Variants in KCNH1 observed in about 807,000 individuals in gnomAD.
The protein encoded by KCNH1 is potassium voltage-gated channel subfamily H member 1.
Under a neutral mutation model 69.2 loss-of-function variants are expected in KCNH1, and 27 were observed. That is an observed-to-expected ratio of 0.39 (90% CI 0.29 to 0.54). The LOEUF is 0.54. Among genes scored for constraint, KCNH1 ranks in the 20% least tolerant of loss-of-function variants. The pLI, the probability that KCNH1 is intolerant of heterozygous loss-of-function variation, is 0.68. For missense variants in KCNH1, 798 were observed against 1,261.6 expected (o/e 0.63, Z 5.57); for synonymous variants, 456 against 487.7 (o/e 0.93, Z 0.86).
At chr1:210,867,809 G>T (rs12033552) in intron 7 of KCNH1, among the ~76,000 whole-genome samples, 1 of 151,874 alleles carries the variant, frequency 6.6e-6, no homozygotes, top group Non-Finnish European at 1.5e-5. Flanking sequence ...TATAACTCAG[G>T]ATAATATATT....
chr1:210,995,999 G>A (rs1351122415), intron 6 of KCNH1, among the ~76,000 whole-genome samples: 2 of 152,196 alleles, frequency 1.3e-5, no homozygotes, highest in African/African-American at 4.8e-5. Context: ...AGATTTTTGA[G>A]GGTGGCAGCC....
chr1:210,949,278 C>G (rs1688019043), intron 6 of KCNH1, among the ~76,000 whole-genome samples: 1 of 152,162 alleles, frequency 6.6e-6, no homozygotes. Context: ...GGTGTCACAA[C>G]CCTTCTCTCC....
At chr1:211,104,016 G>A (rs993607655) in intron 2 of KCNH1, among the ~76,000 whole-genome samples, 3 of 152,158 alleles carry the variant, frequency 2.0e-5, no homozygotes, top group African/African-American at 7.2e-5. Flanking sequence ...GAGAAAGAAG[G>A]AGAAAAACAT....
intron 7 of KCNH1, among the ~76,000 whole-genome samples, chr1:210,814,792 T>C (rs1025277524): frequency 2.0e-5 from 3 of 152,218 alleles, no homozygotes; most frequent in African/African-American, 7.2e-5. Flanking sequence ...TATTTTTCCA[T>C]CAATCATCTC....
intron 6 of KCNH1, among the ~76,000 whole-genome samples, chr1:210,950,629 T>C (rs1457260558): frequency 6.6e-6 from 1 of 152,002 alleles, no homozygotes; most frequent in East Asian, 1.9e-4. Context: ...TGTTGGACTT[T>C]TGGGTTGGTT....
chr1:210,998,530 C>T (rs1344418666), intron 6 of KCNH1, among the ~76,000 whole-genome samples: 1 of 152,172 alleles, frequency 6.6e-6, no homozygotes, highest in African/African-American at 2.4e-5. Context: ...GAGAGATCTA[C>T]AAAGAGACTT....
chr1:211,052,860 T>A (rs911117969), intron 5 of KCNH1, among the ~76,000 whole-genome samples: 2 of 152,326 alleles, frequency 1.3e-5, no homozygotes, highest in African/African-American at 4.8e-5. Context: ...TAATTCTCTG[T>A]GTATCTGTCC....
At chr1:210,740,990 T>C (rs1339202829) in intron 10 of KCNH1, among the ~76,000 whole-genome samples, 1 of 152,142 alleles carries the variant, frequency 6.6e-6, no homozygotes, top group Non-Finnish European at 1.5e-5. Context: ...CCCATCATAC[T>C]GATCAAGGTA....
At chr1:211,081,785 A>G (rs1690864838) in intron 5 of KCNH1, among the ~76,000 whole-genome samples, 1 of 152,140 alleles carries the variant, frequency 6.6e-6, no homozygotes, top group African/African-American at 2.4e-5. Context: ...ACTTGGACAC[A>G]GGGCAGGTAA....
At chr1:210,747,642 C>CA (rs11449700) in intron 10 of KCNH1, among the ~76,000 whole-genome samples, 67,409 of 141,298 alleles carry the variant, frequency 0.48, 15,853 homozygotes, top group East Asian at 0.69. Context: ...CTTTCACATG[C>CA]AAAAAAAAAA....
intron 7 of KCNH1, among the ~76,000 whole-genome samples, chr1:210,826,054 G>C (rs1411980812): frequency 3.9e-5 from 6 of 151,944 alleles, no homozygotes; most frequent in Non-Finnish European, 8.8e-5. Flanking sequence ...AATAAAAAAG[G>C]GAGTTCTATT....
chr1:210,938,371 A>T (rs531149891), intron 6 of KCNH1, among the ~76,000 whole-genome samples: 2 of 152,190 alleles, frequency 1.3e-5, no homozygotes, highest in Non-Finnish European at 1.5e-5. Flanking sequence ...AAGAAGGAAG[A>T]CTTTTTTGCT....
chr1:210,964,688 A>G (rs780788408), intron 6 of KCNH1, among the ~76,000 whole-genome samples: 5 of 152,220 alleles, frequency 3.3e-5, no homozygotes, highest in Non-Finnish European at 5.9e-5. Context: ...AGGAGCTGGT[A>G]CCATTCCTTC....
intron 6 of KCNH1, among the ~76,000 whole-genome samples, chr1:211,011,521 T>C (rs1689393617): frequency 6.6e-6 from 1 of 152,208 alleles, no homozygotes; most frequent in Non-Finnish European, 1.5e-5. Flanking sequence ...TCAAATGGTA[T>C]TTCTGGTTCT....
chr1:210,860,430 T>C, intron 7 of KCNH1: 1 of 958,830 alleles, frequency 1.0e-6, no homozygotes, highest in South Asian at 1.3e-5. Flanking sequence ...CACTAAGAAG[T>C]GTGTCAATTG....
chr1:210,680,684 GA>G lies in KCNH1; in HGVS notation c.*2596del, dbSNP rs1281823512. On this transcript the variant is annotated 3_prime_UTR_variant, in exon 11 of 11. Transcript: ENST00000271751. ...CTCATTTACACAATGTTTTTTCAAA[GA>G]AAACAATTACAGCAAAAAATCCCTC... is the stretch of plus-strand genomic sequence containing the variant. The G allele has an allele frequency of 6.6e-6, 1 of 152,076 alleles. No individual in the cohort carries two copies. The highest frequency in any genetic ancestry group is 1.5e-5 in the Non-Finnish European group (1 of 68,000). 9.4% of individuals were successfully genotyped at this position (152,076 alleles called of 1,614,324 possible).
At chr1:211,089,150 G>C (rs1056612051) in intron 4 of KCNH1, among the ~76,000 whole-genome samples, 2 of 152,040 alleles carry the variant, frequency 1.3e-5, no homozygotes, top group South Asian at 4.1e-4. Flanking sequence ...TGCAAAAATA[G>C]GTGTCAAAAT....
At position 210,874,099 on chromosome 1, in the gene KCNH1, T is replaced by C. The variant is rs1025783330; in HGVS notation, c.1462+45541A>G. On this transcript the variant is annotated intron_variant, in intron 7 of 10. Transcript: ENST00000271751. ...GGAGAATATAAGCTTCTTGGAAAAGTTTCTTCACTTTTAAAAGGAGTCAAA... is the reference window on the plus strand; with the variant it reads ...GGAGAATATAAGCTTCTTGGAAAAGCTTCTTCACTTTTAAAAGGAGTCAAA... Among the ~76,000 whole-genome samples, 3 of 152,108 alleles carry C rather than the reference T, an allele frequency of 2.0e-5. No homozygotes were observed. In the South Asian group the frequency reaches 6.2e-4, roughly 32 times the overall value.
intron 5 of KCNH1, among the ~76,000 whole-genome samples, chr1:211,048,674 T>G (rs963353606): frequency 2.6e-5 from 4 of 152,114 alleles, no homozygotes; most frequent in Non-Finnish European, 4.4e-5. Flanking sequence ...AATGATACAT[T>G]GGACTTTGGG....
Sources: gnomAD v4.1 joint callset for allele counts (sites outside exome capture counted in the v4.1 genomes callset) on GRCh38, gnomAD v4.1.1 for gene constraint, MANE v1.5 for transcripts, NCBI Gene and HGNC (gene_info 2026-07-23, HGNC 2026-07-21) for gene names.